The following SLC8A3 variants were observed in gnomAD, a reference collection of about 807,000 sequenced individuals.
The protein encoded by SLC8A3 is sodium/calcium exchanger 3.
In SLC8A3, 37 loss-of-function variants were observed where a neutral mutation model predicts 65.4. That is an observed-to-expected ratio of 0.57 (90% CI 0.44 to 0.74). SLC8A3 has a LOEUF of 0.74. Ranked by LOEUF, SLC8A3 falls within the 30% of genes least tolerant of loss-of-function variation. The pLI is 0.00. For missense variants in SLC8A3, 1,112 were observed against 1,172.1 expected (o/e 0.95, Z 0.75); for synonymous variants, 461 against 444.5 (o/e 1.04, Z -0.47).
intron 2 of SLC8A3, among the ~76,000 whole-genome samples, chr14:70,075,408 T>C (rs1179850358): frequency 2.6e-5 from 4 of 152,186 alleles, no homozygotes; most frequent in African/African-American, 7.2e-5. Context: ...TTTTAGGCAA[T>C]AGGGAGGAAA....
intron 2 of SLC8A3, among the ~76,000 whole-genome samples, chr14:70,124,368 A>G (rs1894295361): frequency 6.6e-6 from 1 of 152,150 alleles, no homozygotes; most frequent in African/African-American, 2.4e-5. Context: ...TAGTCATCTG[A>G]CATCTTTCAC....
rs893507444 is a variant in SLC8A3 at position 70,046,545 on chromosome 14, G to C, written c.2390-222C>G. ...GGGCTTCCCATTCCTCATCTGCAGTGATCTGAAAGATTCTGAAGGGCTTTC... is the reference window on the plus strand; with the variant it reads ...GGGCTTCCCATTCCTCATCTGCAGTCATCTGAAAGATTCTGAAGGGCTTTC... On this transcript the variant is annotated intron_variant, in intron 6 of 6. Coordinates refer to ENST00000356921, the MANE Select transcript of SLC8A3 (RefSeq NM_182932.3). The surrounding 1 kb of genome is among the most constrained non-coding windows in gnomAD (Gnocchi z 4.2). The C allele has an allele frequency of 2.0e-5, 10 of 496,178 alleles. No individual in the cohort carries two copies. The highest frequency in any genetic ancestry group is 3.8e-5 in the African/African-American group (2 of 52,870). 30.7% of individuals were successfully genotyped at this position (496,178 alleles called of 1,614,324 possible).
chr14:70,175,697 A>G (rs975629100), intron 1 of SLC8A3, among the ~76,000 whole-genome samples: 4 of 150,382 alleles, frequency 2.7e-5, no homozygotes, highest in Admixed American at 6.6e-5. Flanking sequence ...TGGAAGCTCT[A>G]TGAAAAATTT....
At position 70,119,573 on chromosome 14, in the gene SLC8A3, T is replaced by C. The variant is rs139063548; in HGVS notation, c.1784+47066A>G. ...AGGGAGGAAAGTAATTGCTGGAGAC[T>C]ACACAGGCTACTTAGTGGCTGATGC... On this transcript the variant is annotated intron_variant, in intron 2 of 6. Coordinates refer to ENST00000356921, the MANE Select transcript of SLC8A3 (RefSeq NM_182932.3). 5.0e-3 allele frequency among the ~76,000 whole-genome samples: 754 copies of C among 152,304 alleles called. 6 individuals are homozygous for C. The highest frequency in any genetic ancestry group is 0.017 in the African/African-American group (711 of 41,562).
At chr14:70,108,241 A>C (rs1394059213) in intron 2 of SLC8A3, among the ~76,000 whole-genome samples, 1 of 152,100 alleles carries the variant, frequency 6.6e-6, no homozygotes, top group Non-Finnish European at 1.5e-5. Context: ...CATTTGCAAA[A>C]TCCAACTGAA....
intron 2 of SLC8A3, among the ~76,000 whole-genome samples, chr14:70,089,307 C>A (rs1362969531): frequency 1.3e-5 from 2 of 152,154 alleles, no homozygotes; most frequent in African/African-American, 4.8e-5. Flanking sequence ...ACTTAACATA[C>A]TAAATACTCA....
chr14:70,068,915 C>T (rs140356619), intron 2 of SLC8A3, among the ~76,000 whole-genome samples: 32 of 152,116 alleles, frequency 2.1e-4, no homozygotes, highest in Non-Finnish European at 2.6e-4. Context: ...TTTCTAGAGA[C>T]GAGGTGTCAC....
At chr14:70,121,715 A>G (rs1266825918) in intron 2 of SLC8A3, among the ~76,000 whole-genome samples, 2 of 152,216 alleles carry the variant, frequency 1.3e-5, no homozygotes, top group African/African-American at 2.4e-5. Context: ...CTCGGTTGCC[A>G]TGGGAACAAC....
intron 2 of SLC8A3, among the ~76,000 whole-genome samples, chr14:70,062,928 A>AGG (rs1888980488): frequency 1.3e-5 from 2 of 152,174 alleles, no homozygotes; most frequent in African/African-American, 4.8e-5. Flanking sequence ...TGGAAGGGGA[A>AGG]GGAACATTGC....
chr14:70,150,978 G>C (rs981727514), intron 2 of SLC8A3, among the ~76,000 whole-genome samples: 2 of 152,216 alleles, frequency 1.3e-5, no homozygotes, highest in Non-Finnish European at 2.9e-5. Flanking sequence ...TATCTGGCCA[G>C]GCGCGGTAGC....
chr14:70,173,610 G>C (rs551340426), intron 1 of SLC8A3, among the ~76,000 whole-genome samples: 80 of 152,246 alleles, frequency 5.3e-4, no homozygotes, highest in African/African-American at 1.8e-3. Flanking sequence ...ACACTGCTCC[G>C]GGCATGTCAC....
At chr14:70,173,746 A>G (rs1383279566) in intron 1 of SLC8A3, among the ~76,000 whole-genome samples, 1 of 152,154 alleles carries the variant, frequency 6.6e-6, no homozygotes, top group African/African-American at 2.4e-5. Flanking sequence ...ACCCGAGTCC[A>G]AGCACACTGC....
chr14:70,063,500 C>T (rs761604364), intron 2 of SLC8A3, among the ~76,000 whole-genome samples: 1 of 152,198 alleles, frequency 6.6e-6, no homozygotes, highest in South Asian at 2.1e-4. Context: ...AGCCAAGAGC[C>T]GCACATGATA....
chr14:70,085,853 C>T (rs1393239876), intron 2 of SLC8A3, among the ~76,000 whole-genome samples: 7 of 152,146 alleles, frequency 4.6e-5, no homozygotes. Context: ...ATCAAATCTC[C>T]ACAACACACC....
At chr14:70,177,844 G>T (rs1357589114) in intron 1 of SLC8A3, among the ~76,000 whole-genome samples, 3 of 152,206 alleles carry the variant, frequency 2.0e-5, no homozygotes, top group Non-Finnish European at 4.4e-5. Flanking sequence ...AACCTAGAGT[G>T]ATGACAGTGT....
chr14:70,146,601 G>C (rs10782459), intron 2 of SLC8A3, among the ~76,000 whole-genome samples: 35,435 of 152,080 alleles, frequency 0.23, 4,804 homozygotes, highest in Admixed American at 0.33. Context: ...ATATATATTA[G>C]AGTATATTTA....
At chr14:70,166,402 CCT>C (rs1439644840) in intron 2 of SLC8A3, among the ~76,000 whole-genome samples, 2 of 152,162 alleles carry the variant, frequency 1.3e-5, no homozygotes, top group African/African-American at 4.8e-5. Context: ...TGTTTTGTGT[CCT>C]TAGCTCTTGT....
intron 1 of SLC8A3, among the ~76,000 whole-genome samples, chr14:70,184,639 T>C (rs1054227324): frequency 2.0e-5 from 3 of 152,208 alleles, no homozygotes; most frequent in African/African-American, 7.2e-5. Context: ...GCTCCTCCTA[T>C]ATGCTTCCAT....
intron 3 of SLC8A3, among the ~76,000 whole-genome samples, chr14:70,055,351 A>G (rs937697676): frequency 3.9e-5 from 6 of 152,072 alleles, no homozygotes; most frequent in African/African-American, 1.4e-4. Context: ...TATTCTCACA[A>G]CAGGTTTGGT....
Sources: allele counts gnomAD v4.1 joint callset (sites outside exome capture counted in the v4.1 genomes callset), GRCh38; gene constraint gnomAD v4.1.1; non-coding constraint Gnocchi (gnomAD v3.1); transcripts MANE v1.5; gene names NCBI Gene and HGNC (gene_info 2026-07-23, HGNC 2026-07-21).